Variants in AFDN observed in about 807,000 individuals in gnomAD.
The protein encoded by AFDN is afadin.
A neutral mutation model predicts 216.6 loss-of-function variants in AFDN; 68 were observed. The ratio of observed to expected loss-of-function variants is 0.31; its 90% CI spans 0.26 to 0.38. The LOEUF is 0.38. AFDN is among the 10% of genes least tolerant of loss of function. The pLI, the probability that AFDN is intolerant of heterozygous loss-of-function variation, is 1.00. For missense variants in AFDN, 2,136 were observed against 2,342.0 expected, an observed-to-expected ratio of 0.91 and a Z score of 1.82; for synonymous variants, 868 against 853.7, an observed-to-expected ratio of 1.02 and a Z score of -0.29.
chr6:167,866,486 T>C (rs530776443), intron 2 of AFDN, among the ~76,000 whole-genome samples: 2 of 152,220 alleles, frequency 1.3e-5, no homozygotes, highest in Non-Finnish European at 2.9e-5. Context: ...CATTAAGTAG[T>C]TAGATTCAGA....
At chr6:167,839,207 ATGTTT>A (rs1483312941) in intron 1 of AFDN, among the ~76,000 whole-genome samples, 2 of 152,188 alleles carry the variant, frequency 1.3e-5, no homozygotes, top group East Asian at 1.9e-4. Flanking sequence ...TTACAAATGC[ATGTTT>A]TTGAGAAACA....
chr6:167,852,753 T>G (rs1282615840), intron 1 of AFDN, among the ~76,000 whole-genome samples: 2 of 152,154 alleles, frequency 1.3e-5, no homozygotes, highest in Non-Finnish European at 2.9e-5. Flanking sequence ...ACATTGATTT[T>G]GTTTTGTTGG....
intron 1 of AFDN, among the ~76,000 whole-genome samples, chr6:167,847,062 G>GT (rs1176055006): frequency 6.6e-6 from 1 of 152,006 alleles, no homozygotes; most frequent in Non-Finnish European, 1.5e-5. Flanking sequence ...CTTTTTTACC[G>GT]TAAGTGGGAG....
Position 167,968,762 on chromosome 6 carries a change from C to T in AFDN, c.5258-352C>T, listed in dbSNP as rs192974123. The T allele has an allele frequency of 4.4e-5, 10 of 225,406 alleles. No individual in the cohort carries two copies. In the Admixed American group the frequency reaches 4.5e-4, roughly 10 times the overall value. The allele number at this position is 225,406 out of a possible 1,614,324, so 14.0% of individuals were successfully genotyped here. ...ACATCTTTTGATCCTCAACAATCCA[C>T]CGAAGCCAGTAGGAACAGGGCAAAT... On this transcript the variant is annotated intron_variant, in intron 32 of 33. Coordinates refer to ENST00000683244, the MANE Select transcript of AFDN (RefSeq NM_001386888.1).
chr6:167,936,111 A>T (rs1363697399), intron 23 of AFDN, among the ~76,000 whole-genome samples: 1 of 152,212 alleles, frequency 6.6e-6, no homozygotes, highest in Non-Finnish European at 1.5e-5. Context: ...CATCAATGAG[A>T]TAGTTCACAT....
Position 167,962,588 on chromosome 6 carries a change from G to T in AFDN, c.4968+21G>T. ...AAAAGGTTATGGTCCTTTAAGGGCAGCTAGAATTTTACCAAGTTAGCCTGA... is the reference window on the plus strand; with the variant it reads ...AAAAGGTTATGGTCCTTTAAGGGCATCTAGAATTTTACCAAGTTAGCCTGA... On this transcript the variant is annotated intron_variant, in intron 31 of 33. Coordinates refer to ENST00000683244, the MANE Select transcript of AFDN (RefSeq NM_001386888.1). This position sits in a 1 kb window ranked among gnomAD's most constrained non-coding sequence, Gnocchi z 5.2. 1 of 1,613,890 alleles carries T rather than the reference G, an allele frequency of 6.2e-7. No homozygotes were observed. The highest frequency in any genetic ancestry group is 8.5e-7 in the Non-Finnish European group (1 of 1,179,774).
intron 13 of AFDN, among the ~76,000 whole-genome samples, chr6:167,908,141 C>T (rs1789944699): frequency 6.6e-6 from 1 of 152,182 alleles, no homozygotes; most frequent in Non-Finnish European, 1.5e-5. Context: ...TTTGAAGAGG[C>T]CATTGTGTTT....
At chr6:167,898,507 T>G (rs960317965) in intron 11 of AFDN, 40 bp downstream of exon 11, 1 of 1,563,512 alleles carries the variant, frequency 6.4e-7, no homozygotes, top group East Asian at 2.3e-5. Flanking sequence ...GTTTTGATTA[T>G]ACTTAAAGTA....
chr6:167,911,715 C>G (rs1405026393), intron 15 of AFDN: 1 of 528,760 alleles, frequency 1.9e-6, no homozygotes, highest in Non-Finnish European at 3.4e-6. Context: ...GTGAAGTTAA[C>G]TTGTAGTAAT....
At chr6:167,871,121 C>T (rs1784743268) in intron 3 of AFDN, among the ~76,000 whole-genome samples, 1 of 150,062 alleles carries the variant, frequency 6.7e-6, no homozygotes, top group Admixed American at 6.6e-5. Flanking sequence ...CCCCGCCCCG[C>T]CCCCCAACAG....
chr6:167,956,801 C>T (rs1394400928), intron 30 of AFDN, among the ~76,000 whole-genome samples: 2 of 152,174 alleles, frequency 1.3e-5, no homozygotes, highest in African/African-American at 4.8e-5. Context: ...TCCTCACAAC[C>T]TGACCAATCT....
chr6:167,875,955 CATT>C (rs1428583092), intron 5 of AFDN, among the ~76,000 whole-genome samples: 2 of 152,218 alleles, frequency 1.3e-5, no homozygotes, highest in Admixed American at 1.3e-4. Context: ...ACCATAGTAT[CATT>C]ATCATATATA....
At position 167,951,677 on chromosome 6, in the gene AFDN, G is replaced by A. The variant is rs747529600; in HGVS notation, c.4323G>A (p.Arg1441=). ...TGGAGGAGGAGCGGGAGAGGAAGCGGAGAGAGCAGGAGAGGAAGTTGGGCC... is the reference window on the plus strand; with the variant it reads ...TGGAGGAGGAGCGGGAGAGGAAGCGAAGAGAGCAGGAGAGGAAGTTGGGCC... ...ARLEEERERK[R]REQERKLGQM... Residue 1441 remains arginine, a synonymous_variant, in exon 30 of 34, where the codon CGG becomes CGA. Transcript: ENST00000683244. The surrounding 1 kb of genome is among the most constrained non-coding windows in gnomAD (Gnocchi z 7.1). 1.2e-6 allele frequency: 2 copies of A among 1,613,818 alleles called. No homozygotes were observed. The highest frequency in any genetic ancestry group is 1.7e-6 in the Non-Finnish European group (2 of 1,179,924).
Position 167,907,241 on chromosome 6 carries a change from C to G in AFDN, c.1721C>G (p.Pro574Arg). The G allele has an allele frequency of 6.2e-7, 1 of 1,613,956 alleles. No homozygotes were observed. Among genetic ancestry groups the G allele is most frequent in the East Asian group, 2.2e-5 (1 of 44,872 alleles). The change falls in exon 13 of 34, where the codon CCG becomes CGG. Residue 574 changes from proline to arginine, a missense_variant. This residue lies in a region of AFDN where 817 missense variants were observed against 965.7 expected (regional missense o/e 0.85). Transcript: ENST00000683244. The part of the protein sequence containing the change: ...SSTAERGMVK[P>R]MIRVEQQPDY... Reference sequence around the variant, plus strand: ...ACAGCCGAGCGGGGAATGGTGAAGCCGATGATCAGAGTAGAACAGCAGCCA... The same window carrying G: ...ACAGCCGAGCGGGGAATGGTGAAGCGGATGATCAGAGTAGAACAGCAGCCA...
chr6:167,873,129 C>T (rs1005311300), intron 4 of AFDN, among the ~76,000 whole-genome samples: 4 of 152,054 alleles, frequency 2.6e-5, no homozygotes, highest in African/African-American at 7.2e-5. Context: ...ATTACTTTTC[C>T]GTAATCAAAT....
intron 1 of AFDN, 51 bp from the exon 2 acceptor site, chr6:167,864,500 T>A (rs1198457256): frequency 6.6e-7 from 1 of 1,507,280 alleles, no homozygotes; most frequent in Non-Finnish European, 9.2e-7. Flanking sequence ...AAAAAGTGAA[T>A]CCTTTTCAGA....
chr6:167,946,584 G>A lies in AFDN; in HGVS notation c.3359-123G>A, dbSNP rs542366123. 1.9e-3 allele frequency: 1,485 copies of A among 767,430 alleles called. 19 individuals are homozygous for A. In the African/African-American group the frequency reaches 0.024, roughly 12 times the overall value. The allele number at this position is 767,430 out of a possible 1,614,324, so 47.5% of individuals were successfully genotyped here. A position where few individuals can be genotyped will look rare whatever the true frequency, so the allele number is the denominator to read the frequency against. ...TACTTAAAAGCTGTTTTATGATTCTGTAGGAAGAATTGACCTTTATCACCT... is the reference window on the plus strand; with the variant it reads ...TACTTAAAAGCTGTTTTATGATTCTATAGGAAGAATTGACCTTTATCACCT... On this transcript the variant is annotated intron_variant, in intron 26 of 33. Coordinates refer to ENST00000683244, the MANE Select transcript of AFDN (RefSeq NM_001386888.1).
chr6:167,906,102 C>G (rs1020186729), intron 12 of AFDN, among the ~76,000 whole-genome samples: 1 of 151,794 alleles, frequency 6.6e-6, no homozygotes, highest in Non-Finnish European at 1.5e-5. Context: ...GACTCCGTCC[C>G]AAGAAAAAAA....
Position 167,872,339 on chromosome 6 carries a change from A to T in AFDN, c.540A>T (p.Ala180=). 1 of 1,613,872 alleles carries T rather than the reference A, an allele frequency of 6.2e-7. No individual in the cohort carries two copies. The highest frequency in any genetic ancestry group is 2.2e-5 in the East Asian group (1 of 44,870). Residue 180 remains alanine (A), a synonymous_variant, in exon 4 of 34, where the codon GCA becomes GCT. Transcript: ENST00000683244. ...GAGAAAAAGAGGCATTGCGACAGGC[A>T]TCTGATAAAGATGATAGACCTTTCC... ...KKREKEALRQ[A]SDKDDRPFQG... is the part of the protein sequence containing the mutation.
Sources: allele counts gnomAD v4.1 joint callset (sites outside exome capture counted in the v4.1 genomes callset), GRCh38; gene constraint gnomAD v4.1.1; regional missense constraint gnomAD v4.1.1; non-coding constraint Gnocchi (gnomAD v3.1); transcripts MANE v1.5; gene names NCBI Gene and HGNC (gene_info 2026-07-23, HGNC 2026-07-21).